The following LAMA4 variants were observed in gnomAD, a reference collection of about 807,000 sequenced individuals.
The protein encoded by LAMA4 is laminin subunit alpha 4, also known as laminin subunit alpha-4.
In LAMA4, 127 loss-of-function variants were observed where a neutral mutation model predicts 207.1. That is an observed-to-expected ratio of 0.61 (90% CI 0.53 to 0.71). The LOEUF is 0.71. LAMA4 is among the 30% of genes least tolerant of loss of function. The pLI, the probability that LAMA4 is intolerant of heterozygous loss-of-function variation, is 0.00. For missense variants in LAMA4, 2,093 were observed against 2,246.5 expected (o/e 0.93, Z 1.38); for synonymous variants, 761 against 816.0 (o/e 0.93, Z 1.15).
intron 5 of LAMA4, among the ~76,000 whole-genome samples, chr6:112,201,122 C>A (rs1783722228): frequency 1.3e-5 from 2 of 151,710 alleles, no homozygotes; most frequent in South Asian, 4.2e-4. Context: ...AATTTGTTTA[C>A]TTTTTAGTAT....
At chr6:112,163,484 A>G (rs1554339009) in intron 13 of LAMA4, among the ~76,000 whole-genome samples, 2 of 152,146 alleles carry the variant, frequency 1.3e-5, no homozygotes, top group Non-Finnish European at 2.9e-5. Flanking sequence ...AGAGGCCATG[A>G]GCGGTACCAG....
chr6:112,178,072 C>T lies in LAMA4; in HGVS notation c.1189+49G>A, dbSNP rs568411004. 1.1e-4 allele frequency: 149 copies of T among 1,297,086 alleles called. 4 individuals carry two copies. The South Asian group carries it at 1.3e-3, about 11-fold the overall frequency. 80.3% of individuals were successfully genotyped at this position (1,297,086 alleles called of 1,614,324 possible). On this transcript the variant is annotated intron_variant, in intron 10 of 38. Transcript: ENST00000230538. ...CCATTATGCCTACTGATGTTAATAACATAAGTGTTTCCTTGATATTAAACT... is the reference window on the plus strand; with the variant it reads ...CCATTATGCCTACTGATGTTAATAATATAAGTGTTTCCTTGATATTAAACT...
rs150927251 is a variant in LAMA4, at chr6:112,204,913, G to T, written c.422+2108C>A. On this transcript the variant is annotated intron_variant, in intron 4 of 38. Coordinates refer to ENST00000230538, the MANE Select transcript of LAMA4 (RefSeq NM_001105206.3). ...GGACTGAAACTCGTCTGACTACTCT[G>T]ACTGTTAGACTTGTAGTATTTGAAT... Among the ~76,000 whole-genome samples, 206 of 152,282 alleles carry T rather than the reference G, an allele frequency of 1.4e-3. 1 individual carries two copies. Among genetic ancestry groups the T allele is most frequent in the African/African-American group, 4.8e-3 (199 of 41,568 alleles).
intron 2 of LAMA4, among the ~76,000 whole-genome samples, chr6:112,228,475 A>C (rs187651378): frequency 6.6e-6 from 1 of 152,326 alleles, no homozygotes; most frequent in Admixed American, 6.5e-5. Flanking sequence ...AATAATCAAA[A>C]TTCACCTAAG....
At position 112,159,964 on chromosome 6, in the gene LAMA4, C is replaced by T. The variant is rs539314217; in HGVS notation, c.1669-1084G>A. 1.1e-4 allele frequency among the ~76,000 whole-genome samples: 16 copies of T among 152,236 alleles called. No homozygotes were observed. In the South Asian group the frequency reaches 3.1e-3, roughly 30 times the overall value. On this transcript the variant is annotated intron_variant, in intron 13 of 38. Coordinates refer to ENST00000230538, the MANE Select transcript of LAMA4 (RefSeq NM_001105206.3). ...AAACTATTCTGGGCAGAACCCCCAT[C>T]TAAGCCTTACGGTGTTGCCTGTCTG...
intron 37 of LAMA4, 118 bp from the exon 38 acceptor site, chr6:112,114,313 T>C (rs1364492970): frequency 1.0e-6 from 1 of 982,868 alleles, no homozygotes; most frequent in Non-Finnish European, 1.6e-6. Context: ...ACCCACACTT[T>C]CTTCTATATT....
At position 112,117,742 on chromosome 6, in the gene LAMA4, G is replaced by T. The variant is rs2114574510; in HGVS notation, c.4978C>A (p.Leu1660Ile). 1.2e-6 allele frequency: 2 copies of T among 1,612,964 alleles called. No homozygotes were observed. The highest frequency in any genetic ancestry group is 1.1e-5 in the South Asian group (1 of 90,968). ...YFSTEGGYVVLDESFNIGLKF... is the reference protein window; with the variant it reads ...YFSTEGGYVVIDESFNIGLKF... ...TTTTTAACATGACTAATGTTACCTA[G>T]AACCACGTATCCTCCTTCTGTTGAA... Residue 1660 changes from leucine (L) to isoleucine (I), a missense_variant, in exon 35 of 39, where the codon CTA becomes ATA. Transcript: ENST00000230538. This position sits in a 1 kb window ranked among gnomAD's most constrained non-coding sequence, Gnocchi z 4.5.
chr6:112,189,263 A>C, intron 6 of LAMA4, 58 bp from the exon 7 acceptor site: 1 of 1,195,686 alleles, frequency 8.4e-7, no homozygotes, highest in Non-Finnish European at 1.2e-6. Context: ...AAAATATGGC[A>C]ATATTTTCCT....
intron 2 of LAMA4, among the ~76,000 whole-genome samples, chr6:112,245,904 G>T (rs1345071836): frequency 6.6e-6 from 1 of 152,122 alleles, no homozygotes; most frequent in African/African-American, 2.4e-5. Flanking sequence ...ATTTGTTTAT[G>T]TATTTTTTTC....
chr6:112,246,029 C>T (rs1554188579), intron 2 of LAMA4, among the ~76,000 whole-genome samples: 2 of 152,110 alleles, frequency 1.3e-5, no homozygotes, highest in Non-Finnish European at 2.9e-5. Flanking sequence ...AGCCGAACTG[C>T]TGGCAGCTGA....
At position 112,188,765 on chromosome 6, in the gene LAMA4, G is replaced by A. The variant is rs112916698; in HGVS notation, c.814+345C>T. 2.9e-3 allele frequency: 656 copies of A among 222,536 alleles called. 9 individuals are homozygous for A. The highest frequency in any genetic ancestry group is 0.013 in the African/African-American group (572 of 44,520). 13.8% of individuals were successfully genotyped at this position (222,536 alleles called of 1,614,324 possible). ...AGGTGTTGTAAATTGTTTGTACGTC[G>A]TATTTTCAGGGACCTGAAGAGACGA... On this transcript the variant is annotated intron_variant, in intron 7 of 38. Coordinates refer to ENST00000230538, the MANE Select transcript of LAMA4 (RefSeq NM_001105206.3).
chr6:112,171,499 A>G (rs1376425174), intron 12 of LAMA4: 2 of 153,782 alleles, frequency 1.3e-5, no homozygotes, highest in Non-Finnish European at 2.9e-5. Context: ...AGAGGAATGG[A>G]AAAGAAGGAA....
intron 18 of LAMA4, among the ~76,000 whole-genome samples, chr6:112,146,848 GACA>G (rs1554334625): frequency 6.6e-6 from 1 of 152,112 alleles, no homozygotes; most frequent in African/African-American, 2.4e-5. Flanking sequence ...TTGGATCACT[GACA>G]ACGACATTTA....
In LAMA4 at chr6:112,208,623, T is replaced by C. The variant is rs951236275; in HGVS notation, c.298-1478A>G. On this transcript the variant is annotated intron_variant, in intron 3 of 38. Coordinates refer to ENST00000230538, the MANE Select transcript of LAMA4 (RefSeq NM_001105206.3). Reference sequence around the variant, plus strand: ...TATTATACTGCTTCTCCAGTAATGTTGAAGAAAAGGCTTAACAAACAGTAG... The same window carrying C: ...TATTATACTGCTTCTCCAGTAATGTCGAAGAAAAGGCTTAACAAACAGTAG... 5.9e-5 allele frequency among the ~76,000 whole-genome samples: 9 copies of C among 152,312 alleles called. No homozygotes were observed. The East Asian group carries it at 1.7e-3, about 29-fold the overall frequency.
chr6:112,121,591 C>T (rs1364798085), intron 32 of LAMA4, among the ~76,000 whole-genome samples: 1 of 152,258 alleles, frequency 6.6e-6, no homozygotes, highest in African/African-American at 2.4e-5. Flanking sequence ...GCTGGAGGGT[C>T]ATAGACATAC....
chr6:112,246,838 TAGCTTTTCTAGGGATTTAGC>T (rs1786980685), intron 2 of LAMA4, among the ~76,000 whole-genome samples: 1 of 152,166 alleles, frequency 6.6e-6, no homozygotes, highest in African/African-American at 2.4e-5. Context: ...CTTTTTTCTT[TAGCTTTTCTAGGGATTTAGC>T]ATTCATTTCT....
chr6:112,213,946 C>T, intron 3 of LAMA4: 1 of 653,456 alleles, frequency 1.5e-6, no homozygotes, highest in Admixed American at 2.3e-5. Flanking sequence ...CTGACTGAAA[C>T]ACTGGTCATG....
In LAMA4 at chr6:112,240,563, G is replaced by A. The variant is rs546190787; in HGVS notation, c.195+13393C>T. Among the ~76,000 whole-genome samples, 4 of 152,208 alleles carry A rather than the reference G, an allele frequency of 2.6e-5. No individual in the cohort carries two copies. The East Asian group carries it at 5.8e-4, about 22-fold the overall frequency. Reference sequence around the variant, plus strand: ...CACCAACCCCCTACTACCCTTCCCAGCTTCTGGTAGCCATCTTTCTATTCT... The same window carrying A: ...CACCAACCCCCTACTACCCTTCCCAACTTCTGGTAGCCATCTTTCTATTCT... On this transcript the variant is annotated intron_variant, in intron 2 of 38. Coordinates refer to ENST00000230538, the MANE Select transcript of LAMA4 (RefSeq NM_001105206.3).
At chr6:112,157,263 C>T (rs1780773605) in intron 14 of LAMA4, among the ~76,000 whole-genome samples, 2 of 152,056 alleles carry the variant, frequency 1.3e-5, no homozygotes, top group Admixed American at 6.5e-5. Context: ...ATTTTGCTGG[C>T]GAGAGTGGTA....
Sources: gnomAD v4.1 joint callset for allele counts (sites outside exome capture counted in the v4.1 genomes callset) on GRCh38, gnomAD v4.1.1 for gene constraint, Gnocchi (gnomAD v3.1) non-coding constraint, MANE v1.5 for transcripts, NCBI Gene and HGNC (gene_info 2026-07-23, HGNC 2026-07-21) for gene names.